LYAR: variants seen among roughly 807,000 people sequenced by gnomAD.
LYAR encodes Ly1 antibody reactive.
Under a neutral mutation model 45.2 loss-of-function variants are expected in LYAR, and 37 were observed. The ratio of observed to expected loss-of-function variants is 0.82; its 90% CI spans 0.63 to 1.08. LYAR has a LOEUF of 1.08. LYAR is among the 50% of genes least tolerant of loss of function. The probability of loss-of-function intolerance (pLI) is 0.00; values close to 1 mark genes in which losing one functional copy is unlikely to be tolerated. For synonymous variants in LYAR, 176 were observed against 155.1 expected (o/e 1.14, Z -1.00); for missense variants, 493 against 451.0 (o/e 1.09, Z -0.84).
At chr4:4,269,848 A>G (rs941826293) in intron 8 of LYAR, among the ~76,000 whole-genome samples, 4 of 152,342 alleles carry the variant, frequency 2.6e-5, no homozygotes, top group African/African-American at 9.6e-5. Flanking sequence ...ACACACACAC[A>G]CGTAAACTAT....
intron 8 of LYAR, 44 bp downstream of exon 8, chr4:4,273,539 C>A (rs373864215): frequency 5.8e-5 from 82 of 1,424,116 alleles, no homozygotes; most frequent in Non-Finnish European, 8.1e-5. Context: ...TCAGCGAGAG[C>A]CGCTGTGCCC....
At chr4:4,278,249 T>C (rs1488884295) in intron 6 of LYAR, among the ~76,000 whole-genome samples, 2 of 152,208 alleles carry the variant, frequency 1.3e-5, no homozygotes, top group African/African-American at 4.8e-5. Context: ...TGCCCACTTG[T>C]TGCCGAAAGT....
intron 8 of LYAR, among the ~76,000 whole-genome samples, chr4:4,270,092 C>T (rs552685270): frequency 6.8e-4 from 104 of 151,912 alleles, no homozygotes; most frequent in African/African-American, 2.3e-3. Flanking sequence ...GGTGTGTACT[C>T]GTAGTCCTAA....
intron 1 of LYAR, among the ~76,000 whole-genome samples, chr4:4,288,766 A>G (rs1192033368): frequency 6.6e-6 from 1 of 152,180 alleles, no homozygotes; most frequent in Admixed American, 6.5e-5. Context: ...GATGACAGGC[A>G]CGGGCCACTG....
At chr4:4,283,296 G>A (rs745443809) in intron 3 of LYAR, among the ~76,000 whole-genome samples, 1 of 151,968 alleles carries the variant, frequency 6.6e-6, no homozygotes, top group Non-Finnish European at 1.5e-5. Flanking sequence ...GATTACAGGC[G>A]CCCACCACCA....
chr4:4,287,498 T>A lies in LYAR; in HGVS notation c.-107-926A>T, dbSNP rs147580818. ...GAAAAAGATGACGGGGTCTGCACCA[T>A]AGAACACATGATCATTAGCTCTCTA... On this transcript the variant is annotated intron_variant, in intron 1 of 9. Coordinates refer to ENST00000343470, the MANE Select transcript of LYAR (RefSeq NM_017816.3). Among the ~76,000 whole-genome samples the A allele has an allele frequency of 1.1e-3, 174 of 152,306 alleles. 2 individuals carry two copies. The highest frequency in any genetic ancestry group is 3.6e-3 in the African/African-American group (151 of 41,570).
In LYAR at chr4:4,269,711, A is replaced by G. The variant is rs144627336; in HGVS notation, c.920-1096T>C. On this transcript the variant is annotated intron_variant, in intron 8 of 9. Transcript: ENST00000343470. ...GCCAGTTAAAACAGAAAGCGTAAAC[A>G]GGATCTCACACCTTACAAAAACAAC... Among the ~76,000 whole-genome samples the G allele has an allele frequency of 1.9e-3, 289 of 152,350 alleles. 1 individual carries two copies. Among genetic ancestry groups the G allele is most frequent in the African/African-American group, 6.7e-3 (279 of 41,576 alleles).
At chr4:4,276,069 T>A (rs1351953668) in intron 6 of LYAR, among the ~76,000 whole-genome samples, 1 of 152,172 alleles carries the variant, frequency 6.6e-6, no homozygotes, top group Non-Finnish European at 1.5e-5. Context: ...GTCCCATTCC[T>A]TCCTGAACTC....
intron 8 of LYAR, among the ~76,000 whole-genome samples, chr4:4,269,147 G>C (rs1053154698): frequency 5.9e-5 from 9 of 152,182 alleles, no homozygotes; most frequent in African/African-American, 2.2e-4. Context: ...GTAGAGACCA[G>C]CTGGGACCTC....
intron 8 of LYAR, among the ~76,000 whole-genome samples, chr4:4,271,728 G>A (rs959769197): frequency 6.6e-6 from 1 of 152,216 alleles, no homozygotes; most frequent in Non-Finnish European, 1.5e-5. Context: ...ACTACTGTAT[G>A]ACACAGCATT....
In LYAR at chr4:4,279,654, CT is replaced by C; in HGVS notation, c.332del (p.Lys111ArgfsTer8). The C allele has an allele frequency of 6.2e-7, 1 of 1,613,958 alleles. No individual in the cohort carries two copies. The highest frequency in any genetic ancestry group is 1.7e-5 in the Admixed American group (1 of 59,974). On this transcript the variant is annotated frameshift_variant, in exon 5 of 10. Transcript: ENST00000343470. LOFTEE classifies it high-confidence loss of function. ...AGTCAATTCATACCTGAAATTTTGC[CT>C]TTTTCCTGGGAACGTTGTCAAAAGC... ...ISAFDNVPRK[K>X]AKFQNWMKNS...
At chr4:4,271,667 G>A (rs762427000) in intron 8 of LYAR, among the ~76,000 whole-genome samples, 2 of 152,070 alleles carry the variant, frequency 1.3e-5, no homozygotes, top group African/African-American at 2.4e-5. Flanking sequence ...CCACATCCTC[G>A]CCAGCATTAG....
intron 9 of LYAR, 62 bp downstream of exon 9, chr4:4,268,468 T>G: frequency 9.2e-7 from 1 of 1,090,340 alleles, no homozygotes; most frequent in Non-Finnish European, 1.4e-6. Flanking sequence ...AACAAACAAT[T>G]GTACATTTAG....
intron 8 of LYAR, among the ~76,000 whole-genome samples, chr4:4,272,344 C>G (rs899447698): frequency 3.3e-5 from 5 of 152,172 alleles, no homozygotes; most frequent in African/African-American, 1.2e-4. Flanking sequence ...AATAACCATT[C>G]CAGTTGTCCC....
intron 8 of LYAR, among the ~76,000 whole-genome samples, chr4:4,270,940 G>T (rs1355431163): frequency 6.6e-6 from 1 of 152,164 alleles, no homozygotes; most frequent in African/African-American, 2.4e-5. Flanking sequence ...TTTTGATACA[G>T]ACATGCAATG....
intron 3 of LYAR, among the ~76,000 whole-genome samples, chr4:4,282,949 G>A (rs1719460128): frequency 1.3e-5 from 2 of 152,132 alleles, no homozygotes; most frequent in South Asian, 4.1e-4. Context: ...ACTGTGATGG[G>A]CATGTGATAC....
At chr4:4,272,567 GTCTC>G (rs1718978599) in intron 8 of LYAR, among the ~76,000 whole-genome samples, 1 of 152,160 alleles carries the variant, frequency 6.6e-6, no homozygotes, top group Non-Finnish European at 1.5e-5. Context: ...TGTGAATGTG[GTCTC>G]TCTGTGTCTC....
In LYAR at chr4:4,267,880, C is replaced by A; in HGVS notation, c.*9G>T. On this transcript the variant is annotated 3_prime_UTR_variant, in exon 10 of 10. Coordinates refer to ENST00000343470, the MANE Select transcript of LYAR (RefSeq NM_017816.3). ...GCAGAATGGATTCAATTTTTAAATA[C>A]ACAAATGTTCATTTCACAAGCTTGA... 1.2e-6 allele frequency: 2 copies of A among 1,604,278 alleles called. No individual in the cohort carries two copies. The highest frequency in any genetic ancestry group is 1.7e-6 in the Non-Finnish European group (2 of 1,175,940).
intron 4 of LYAR, among the ~76,000 whole-genome samples, chr4:4,279,952 A>G (rs1260738467): frequency 6.6e-6 from 1 of 152,220 alleles, no homozygotes; most frequent in African/African-American, 2.4e-5. Context: ...TAGGCAAGAA[A>G]ACAAAATAAA....
Sources: gnomAD v4.1 joint callset for allele counts (sites outside exome capture counted in the v4.1 genomes callset) on GRCh38, gnomAD v4.1.1 for gene constraint, MANE v1.5 for transcripts, NCBI Gene and HGNC (gene_info 2026-07-23, HGNC 2026-07-21) for gene names.